Variants in ZNF878 observed in about 807,000 individuals in gnomAD.
The protein encoded by ZNF878 is zinc finger protein 878.
A neutral mutation model predicts 11.1 loss-of-function variants in ZNF878; 10 were observed. The ratio of observed to expected loss-of-function variants is 0.90; its 90% confidence interval spans 0.56 to 1.53. ZNF878 has a LOEUF of 1.53. Among genes scored for constraint, ZNF878 ranks in the 40% most tolerant of loss-of-function variants. The pLI, the probability that ZNF878 is intolerant of heterozygous loss-of-function variation, is 0.00. For missense variants in ZNF878, 548 were observed against 626.1 expected (o/e 0.88, Z 1.33); for synonymous variants, 165 against 209.7 (o/e 0.79, Z 1.84).
In ZNF878 at chr19:12,044,617, T is replaced by C. The variant is rs201898665; in HGVS notation, c.784A>G (p.Lys262Glu). Residue 262 changes from lysine to glutamate, a missense_variant, in exon 4 of 4, where the codon AAA becomes GAA. By Grantham distance (56) the Lys-to-Glu change is moderately conservative. Transcript: ENST00000547628. ...AAGGAACTGGGACAATTGAAGGCTT[T>C]ATCACATTGCTTGCATTTATAGCGT... ...EKRYKCKQCD[K>E]AFNCPSSFQY... The C allele has an allele frequency of 1.0e-4, 163 of 1,614,046 alleles. No homozygotes were observed. Among genetic ancestry groups the C allele is most frequent in the Non-Finnish European group, 1.4e-4 (162 of 1,180,034 alleles).
At chr19:12,051,320 T>A (rs1975549890) in intron 1 of ZNF878, among the ~76,000 whole-genome samples, 1 of 152,100 alleles carries the variant, frequency 6.6e-6, no homozygotes, top group South Asian at 2.1e-4. Context: ...CAAAAAAACC[T>A]GTAACTAAAT....
downstream of ZNF878, chr19:12,043,797 TAG>T (rs1387672059): frequency 3.2e-6 from 5 of 1,584,662 alleles, no homozygotes; most frequent in Middle Eastern, 1.7e-4. Flanking sequence ...CTTACATCCA[TAG>T]AGTTTCTAGC....
At chr19:12,052,772 T>C in intron 1 of ZNF878, 27 bp downstream of exon 1, 2 of 1,535,488 alleles carry the variant, frequency 1.3e-6, no homozygotes, top group Middle Eastern at 1.7e-4. Context: ...CCTTTCGCCT[T>C]GGGACTCCCC....
At chr19:12,043,736 C>G (rs1300254234), downstream of ZNF878, 2 of 1,395,826 alleles carry the variant, frequency 1.4e-6, no homozygotes, top group South Asian at 1.5e-5. Context: ...TGCAGTGAAT[C>G]CTTCCGTGCA....
chr19:12,044,490 T>C lies in ZNF878; in HGVS notation c.911A>G (p.Lys304Arg), dbSNP rs372424657. ...CTCATAGGGTTTCTCTCCAGTGTGT[T>C]TTCTTTCATGTACTCGCAGGTACTT... Reference protein sequence around the residue: ...SVKYLRVHERKHTGEKPYECK... With the variant: ...SVKYLRVHERRHTGEKPYECK... The change falls in exon 4 of 4, where the codon AAA becomes AGA. Residue 304 changes from lysine to arginine, a missense_variant. Transcript: ENST00000547628. 1.9e-6 allele frequency: 3 copies of C among 1,613,124 alleles called. No individual in the cohort carries two copies. In the African/African-American group the frequency reaches 4.0e-5, roughly 22 times the overall value.
chr19:12,052,787 C>A lies in ZNF878; in HGVS notation c.3+12G>T. 1 of 1,535,972 alleles carries A rather than the reference C, an allele frequency of 6.5e-7. No homozygotes were observed. The highest frequency in any genetic ancestry group is 8.7e-7 in the Non-Finnish European group (1 of 1,146,734). ...CCTTTCGCCTTGGGACTCCCCAGCA[C>A]CGCATGCTCACCATTTCCTGGCTTC... On this transcript the variant is annotated intron_variant, in intron 1 of 3. Transcript: ENST00000547628.
intron 1 of ZNF878, among the ~76,000 whole-genome samples, chr19:12,048,923 T>A (rs548119481): frequency 6.7e-6 from 1 of 148,186 alleles, no homozygotes; most frequent in East Asian, 2.0e-4. Context: ...GGTGGGCAGA[T>A]CACAAAGTCA....
chr19:12,051,600 C>T (rs1975552684), intron 1 of ZNF878, among the ~76,000 whole-genome samples: 1 of 149,570 alleles, frequency 6.7e-6, no homozygotes, highest in African/African-American at 2.5e-5. Flanking sequence ...CATGAAACCC[C>T]GTCTCTACTA....
At chr19:12,050,957 G>A (rs1177474194) in intron 1 of ZNF878, among the ~76,000 whole-genome samples, 1 of 151,844 alleles carries the variant, frequency 6.6e-6, no homozygotes, top group East Asian at 1.9e-4. Flanking sequence ...TTAGCCGGGC[G>A]CGGTGGCGGG....
At chr19:12,045,364 C>T (rs971253359) in intron 3 of ZNF878, among the ~76,000 whole-genome samples, 155 bp from the exon 4 acceptor site, 13 of 152,140 alleles carry the variant, frequency 8.5e-5, no homozygotes, top group African/African-American at 2.9e-4. Flanking sequence ...ATGGCCTAGC[C>T]AGGCCAGGCA....
intron 1 of ZNF878, among the ~76,000 whole-genome samples, chr19:12,048,352 A>T (rs1337737855): frequency 2.6e-5 from 4 of 151,256 alleles, no homozygotes; most frequent in African/African-American, 9.7e-5. Context: ...CCGCATCTCT[A>T]CTAAAAATAC....
At chr19:12,046,867 A>G (rs1317235901) in intron 1 of ZNF878, 107 bp from the exon 2 acceptor site, 20 of 1,491,914 alleles carry the variant, frequency 1.3e-5, no homozygotes, top group Non-Finnish European at 1.8e-5. Context: ...GTGGACTCCA[A>G]ACATTTATTC....
chr19:12,047,014 G>C (rs140180979), intron 1 of ZNF878, among the ~76,000 whole-genome samples: 2 of 152,116 alleles, frequency 1.3e-5, no homozygotes, highest in Admixed American at 6.6e-5. Flanking sequence ...GTGAGTCCAG[G>C]GAGAAAGTCG....
Position 12,044,605 on chromosome 19 carries a change from A to G in ZNF878, c.796T>C (p.Cys266Arg), listed in dbSNP as rs776584874. ...TCATGATATTGAAAGGAACTGGGAC[A>G]ATTGAAGGCTTTATCACATTGCTTG... ...KCKQCDKAFN[C>R]PSSFQYHERT... Residue 266 changes from cysteine (C) to arginine (R), a missense_variant, in exon 4 of 4, where the codon TGT becomes CGT. Cys to Arg is a radical substitution (Grantham distance 180, BLOSUM62 -3). Coordinates refer to ENST00000547628, the MANE Select transcript of ZNF878 (RefSeq NM_001080404.3). 1 of 1,614,096 alleles carries G rather than the reference A, an allele frequency of 6.2e-7. No individual in the cohort carries two copies. Among genetic ancestry groups the G allele is most frequent in the Non-Finnish European group, 8.5e-7 (1 of 1,180,010 alleles).
chr19:12,049,727 G>A (rs530363615), intron 1 of ZNF878, among the ~76,000 whole-genome samples: 4 of 151,218 alleles, frequency 2.6e-5, no homozygotes, highest in East Asian at 1.9e-4. Context: ...CTGAACTCAC[G>A]CCATTGTACT....
intron 1 of ZNF878, among the ~76,000 whole-genome samples, chr19:12,050,107 C>A (rs1452449533): frequency 6.6e-6 from 1 of 152,076 alleles, no homozygotes; most frequent in East Asian, 1.9e-4. Flanking sequence ...CACCTGTAGT[C>A]CCAGCTACTT....
chr19:12,047,765 A>G (rs903224522), intron 1 of ZNF878, among the ~76,000 whole-genome samples: 1 of 152,020 alleles, frequency 6.6e-6, no homozygotes, highest in Non-Finnish European at 1.5e-5. Flanking sequence ...CAAGACCAGC[A>G]TGATCAATAT....
chr19:12,048,725 T>C (rs561134921), intron 1 of ZNF878, among the ~76,000 whole-genome samples: 61 of 150,310 alleles, frequency 4.1e-4, no homozygotes, highest in African/African-American at 1.5e-3. Context: ...TCCCAGCTAC[T>C]TGGGGGGCCG....
chr19:12,045,350 C>T, intron 3 of ZNF878, 141 bp from the exon 4 acceptor site: 2 of 756,344 alleles, frequency 2.6e-6, no homozygotes, highest in Non-Finnish European at 2.1e-6. Context: ...ACATGCTATA[C>T]AAGATGGCCT....
Sources: allele counts gnomAD v4.1 joint callset (sites outside exome capture counted in the v4.1 genomes callset), GRCh38; gene constraint gnomAD v4.1.1; transcripts MANE v1.5; gene names NCBI Gene and HGNC (gene_info 2026-07-23, HGNC 2026-07-21).